Variants in ZNF837 observed in about 807,000 individuals in gnomAD.
ZNF837 encodes zinc finger protein 837.
For missense variants in ZNF837, 955 were observed against 801.7 expected, an observed-to-expected ratio of 1.19 and a Z score of -2.31; for synonymous variants, 475 against 365.2, an observed-to-expected ratio of 1.30 and a Z score of -3.43.
rs566430886 is a variant in ZNF837 at position 58,377,448 on chromosome 19, C to G, written c.-140+3493G>C. 2.6e-5 allele frequency among the ~76,000 whole-genome samples: 4 copies of G among 151,756 alleles called. No individual in the cohort carries two copies. The South Asian group carries it at 8.4e-4, about 32-fold the overall frequency. ...TGAGCCGAGATCTTGCCACTGCACT[C>G]CAGCCTGGGTGACAGAACGAGACTC... On this transcript the variant is annotated intron_variant, in intron 1 of 2. Transcript: ENST00000597582.
chr19:58,371,473 C>T (rs1032144466), intron 1 of ZNF837, among the ~76,000 whole-genome samples: 27 of 152,282 alleles, frequency 1.8e-4, no homozygotes, highest in Non-Finnish European at 1.9e-4. Context: ...CAGCCTCACA[C>T]GTGATAAGTG....
At chr19:58,375,695 C>G (rs2052239448) in intron 1 of ZNF837, among the ~76,000 whole-genome samples, 1 of 151,538 alleles carries the variant, frequency 6.6e-6, no homozygotes, top group Admixed American at 6.6e-5. Context: ...ATCCGCCTGC[C>G]TCGGCCTCCC....
chr19:58,369,250 C>A lies in ZNF837; in HGVS notation c.83G>T (p.Arg28Met). The A allele has an allele frequency of 7.1e-7, 1 of 1,416,774 alleles. No individual in the cohort carries two copies. The highest frequency in any genetic ancestry group is 9.2e-7 in the Non-Finnish European group (1 of 1,089,746). 87.8% of individuals were successfully genotyped at this position (1,416,774 alleles called of 1,614,324 possible). ...TTCGAGGGGCCTCGGCTCCTCGGGC[C>A]TCTTCTCCCGGGCCCCGGAGGCACC... is the stretch of plus-strand genomic sequence containing the variant. ...AQGASGAREK[R>M]PEEPRPLEED... Residue 28 changes from arginine (R) to methionine (M), a missense_variant, in exon 3 of 3, where the codon AGG (arginine) becomes ATG (methionine). Arg to Met is a moderately conservative substitution (Grantham distance 91). Transcript: ENST00000597582.
At position 58,368,265 on chromosome 19, in the gene ZNF837, C is replaced by T; in HGVS notation, c.1068G>A (p.Ser356=). ...DYSERSPRRG[S]GAGEKPYECA... is the part of the protein sequence containing the mutation. The stretch of plus-strand genomic sequence containing the variant: ...ACTCGTACGGCTTCTCCCCGGCTCC[C>T]GACCCCCGTCGGGGACTCCGCTCGC... Residue 356 remains serine, a synonymous_variant, in exon 3 of 3, where the codon TCG becomes TCA. Coordinates refer to ENST00000597582, the MANE Select transcript of ZNF837 (RefSeq NM_138466.2). 1 of 1,483,556 alleles carries T rather than the reference C, an allele frequency of 6.7e-7. No homozygotes were observed. Among genetic ancestry groups the T allele is most frequent in the South Asian group, 1.3e-5 (1 of 75,314 alleles). 91.9% of individuals were successfully genotyped at this position (1,483,556 alleles called of 1,614,324 possible).
chr19:58,369,245 C>A lies in ZNF837; in HGVS notation c.88G>T (p.Glu30Ter). ...TCCTCTTCGAGGGGCCTCGGCTCCT[C>A]GGGCCTCTTCTCCCGGGCCCCGGAG... The part of the protein sequence containing the change: ...GASGAREKRP[E>*]EPRPLEEDRA... The change falls in exon 3 of 3, where the codon GAG becomes TAG. Residue 30 changes from glutamate (E) to a stop codon, truncating the protein, a stop_gained. Transcript: ENST00000597582. LOFTEE classifies it low-confidence loss of function (END_TRUNC). The A allele has an allele frequency of 7.0e-7, 1 of 1,418,548 alleles. No homozygotes were observed. Among genetic ancestry groups the A allele is most frequent in the African/African-American group, 1.5e-5 (1 of 65,966 alleles). The allele number at this position is 1,418,548 out of a possible 1,614,324, so 87.9% of individuals were successfully genotyped here.
At chr19:58,374,561 C>T (rs1411466222) in intron 1 of ZNF837, among the ~76,000 whole-genome samples, 1 of 151,606 alleles carries the variant, frequency 6.6e-6, no homozygotes. Flanking sequence ...TTACGGGTAT[C>T]AAGTTTTGGG....
At chr19:58,373,944 G>T (rs928885904) in intron 1 of ZNF837, among the ~76,000 whole-genome samples, 3 of 152,262 alleles carry the variant, frequency 2.0e-5, no homozygotes, top group Non-Finnish European at 2.9e-5. Context: ...GACTGGCAAA[G>T]CTGCTGGCAG....
At chr19:58,369,465 C>A (rs1424542779) in intron 2 of ZNF837, 104 bp from the exon 3 acceptor site, 2 of 982,990 alleles carry the variant, frequency 2.0e-6, no homozygotes, top group Admixed American at 3.9e-5. Flanking sequence ...TACTGGGCGG[C>A]CCCCAGCTCT....
intron 1 of ZNF837, among the ~76,000 whole-genome samples, chr19:58,374,728 G>A (rs1001267225): frequency 4.6e-5 from 7 of 152,294 alleles, no homozygotes; most frequent in Admixed American, 4.6e-4. Context: ...CTTGAGGCCA[G>A]TTCGAGACCA....
Position 58,367,998 on chromosome 19 carries a change from C to T in ZNF837, c.1335G>A (p.Arg445=), listed in dbSNP as rs757095327. ...VQHQRAHTGE[R]PYGCSECGKT... is the part of the protein sequence containing the mutation. Reference sequence around the variant, plus strand: ...TTCCGCACTCGGAGCAGCCATAGGGCCGCTCGCCGGTGTGCGCGCGCTGGT... The same window carrying T: ...TTCCGCACTCGGAGCAGCCATAGGGTCGCTCGCCGGTGTGCGCGCGCTGGT... Residue 445 remains arginine, a synonymous_variant, in exon 3 of 3, where the codon CGG becomes CGA. Transcript: ENST00000597582. 58 of 1,532,508 alleles carry T rather than the reference C, an allele frequency of 3.8e-5. No individual in the cohort carries two copies. The highest frequency in any genetic ancestry group is 3.6e-4 in the Middle Eastern group (2 of 5,536). 94.9% of individuals were successfully genotyped at this position (1,532,508 alleles called of 1,614,324 possible).
At chr19:58,375,269 AGT>A (rs1491353697) in intron 1 of ZNF837, among the ~76,000 whole-genome samples, 2 of 19,916 alleles carry the variant, frequency 1.0e-4, no homozygotes. Flanking sequence ...AAAAAAAAAA[AGT>A]ATATATATAT....
In ZNF837 at chr19:58,369,054, G is replaced by A. The variant is rs2052174690; in HGVS notation, c.279C>T (p.Gly93=). Reference sequence around the variant, plus strand: ...GCTCAGGGTTCTGAGAAGAGGTGGGGCCGCACGGCTCCCGCACGAGGGGTC... The same window carrying A: ...GCTCAGGGTTCTGAGAAGAGGTGGGACCGCACGGCTCCCGCACGAGGGGTC... ...GTRPLVREPC[G]PTSSQNPELV... is the part of the protein sequence containing the mutation. Residue 93 remains glycine, a synonymous_variant, in exon 3 of 3, where the codon GGC becomes GGT. Coordinates refer to ENST00000597582, the MANE Select transcript of ZNF837 (RefSeq NM_138466.2). The A allele has an allele frequency of 2.0e-6, 3 of 1,518,236 alleles. No individual in the cohort carries two copies. Among genetic ancestry groups the A allele is most frequent in the East Asian group, 2.5e-5 (1 of 40,476 alleles). 94.0% of individuals were successfully genotyped at this position (1,518,236 alleles called of 1,614,324 possible).
chr19:58,369,192 C>G lies in ZNF837; in HGVS notation c.141G>C (p.Lys47Asn). 1 of 1,449,482 alleles carries G rather than the reference C, an allele frequency of 6.9e-7. No homozygotes were observed. Among genetic ancestry groups the G allele is most frequent in the Non-Finnish European group, 9.1e-7 (1 of 1,101,864 alleles). 89.8% of individuals were successfully genotyped at this position (1,449,482 alleles called of 1,614,324 possible). A position where few individuals can be genotyped will look rare whatever the true frequency, so the allele number is the denominator to read the frequency against. The change falls in exon 3 of 3, where the codon AAG becomes AAC. Residue 47 changes from lysine to asparagine, a missense_variant. Transcript: ENST00000597582. ...EDRAGSRPTQ[K>N]GDLRGAAGGR... The stretch of plus-strand genomic sequence containing the variant: ...CGCCCGCCGCTCCACGCAGGTCCCC[C>G]TTTTGAGTGGGGCGGCTCCCAGCTC...
chr19:58,368,302 C>T lies in ZNF837; in HGVS notation c.1031G>A (p.Cys344Tyr). 1 of 1,484,946 alleles carries T rather than the reference C, an allele frequency of 6.7e-7. No individual in the cohort carries two copies. Among genetic ancestry groups the T allele is most frequent in the Non-Finnish European group, 8.9e-7 (1 of 1,127,134 alleles). 92.0% of individuals were successfully genotyped at this position (1,484,946 alleles called of 1,614,324 possible). Residue 344 changes from cysteine (C) to tyrosine (Y), a missense_variant, in exon 3 of 3, where the codon TGC (cysteine) becomes TAC (tyrosine). Coordinates refer to ENST00000597582, the MANE Select transcript of ZNF837 (RefSeq NM_138466.2). The stretch of plus-strand genomic sequence containing the variant: ...GGGACTCCGCTCGCTGTAGTCCCCG[C>T]AGGGCGGGCACCCCAGCCGGAAGGC... ...RRAFRLGCPP[C>Y]GDYSERSPRR...
At chr19:58,375,528 A>T (rs2052237985) in intron 1 of ZNF837, among the ~76,000 whole-genome samples, 1 of 150,350 alleles carries the variant, frequency 6.7e-6, no homozygotes, top group Admixed American at 6.6e-5. Flanking sequence ...GCTCACTGCA[A>T]CCTCTGCCTC....
At chr19:58,378,074 C>CAGG (rs893853334) in intron 1 of ZNF837, among the ~76,000 whole-genome samples, 2 of 152,228 alleles carry the variant, frequency 1.3e-5, no homozygotes, top group Admixed American at 6.5e-5. Flanking sequence ...GACTGAAGAG[C>CAGG]TCCTGAGAAA....
chr19:58,372,014 C>A (rs1194923352), intron 1 of ZNF837, among the ~76,000 whole-genome samples: 1 of 152,008 alleles, frequency 6.6e-6, no homozygotes, highest in East Asian at 1.9e-4. Flanking sequence ...AGCCACCGTA[C>A]CTGGCCAGAT....
At chr19:58,377,887 A>G (rs1433923599) in intron 1 of ZNF837, among the ~76,000 whole-genome samples, 1 of 152,178 alleles carries the variant, frequency 6.6e-6, no homozygotes, top group East Asian at 1.9e-4. Flanking sequence ...CACCACACAC[A>G]GTATCTGGCG....
intron 1 of ZNF837, 112 bp from the exon 2 acceptor site, chr19:58,370,040 A>G (rs1217212400): frequency 1.3e-5 from 2 of 152,204 alleles, no homozygotes; most frequent in African/African-American, 2.4e-5. Flanking sequence ...TGCTATTACT[A>G]TTTTAAAATT....
Sources: gnomAD v4.1 joint callset for allele counts (sites outside exome capture counted in the v4.1 genomes callset) on GRCh38, gnomAD v4.1.1 for gene constraint, MANE v1.5 for transcripts, NCBI Gene and HGNC (gene_info 2026-07-23, HGNC 2026-07-21) for gene names.